Variants in WDPCP observed in about 807,000 individuals in gnomAD.
The protein encoded by WDPCP is WD repeat containing planar cell polarity effector, also known as WD repeat-containing and planar cell polarity effector protein fritz homolog.
In WDPCP, 71 loss-of-function variants were observed where a neutral mutation model predicts 93.1. The observed-to-expected ratio is 0.76, with a 90% CI of 0.63 to 0.93. WDPCP has a LOEUF of 0.93. Among genes scored for constraint, WDPCP ranks in the 40% least tolerant of loss-of-function variants. The pLI, the probability that WDPCP is intolerant of heterozygous loss-of-function variation, is 0.00. For missense variants in WDPCP, 844 were observed against 887.4 expected (o/e 0.95, Z 0.62); for synonymous variants, 315 against 315.0 (o/e 1.00, Z 0.00).
At chr2:63,416,326 A>G (rs1362015288) in intron 9 of WDPCP, among the ~76,000 whole-genome samples, 1 of 151,620 alleles carries the variant, frequency 6.6e-6, no homozygotes, top group Non-Finnish European at 1.5e-5. Context: ...CAGCCTCCCG[A>G]GTAGCTGCGA....
chr2:63,177,480 T>C (rs1294554301), intron 14 of WDPCP, among the ~76,000 whole-genome samples: 1 of 152,202 alleles, frequency 6.6e-6, no homozygotes, highest in Non-Finnish European at 1.5e-5. Flanking sequence ...AAGTATTTTA[T>C]TCTTTTTGAT....
chr2:63,510,849 G>C (rs989875907), intron 1 of WDPCP, among the ~76,000 whole-genome samples: 1 of 152,056 alleles, frequency 6.6e-6, no homozygotes, highest in Non-Finnish European at 1.5e-5. Flanking sequence ...GGTGGCGGGT[G>C]CCTGTAGTCC....
intron 9 of WDPCP, among the ~76,000 whole-genome samples, chr2:63,406,323 T>C (rs1453277545): frequency 6.6e-6 from 1 of 152,192 alleles, no homozygotes; most frequent in Non-Finnish European, 1.5e-5. Flanking sequence ...AGGATCCATA[T>C]CCAACTCCTT....
chr2:63,439,855 C>T lies in WDPCP; in HGVS notation c.401G>A (p.Gly134Asp). 6.2e-7 allele frequency: 1 copy of T among 1,613,094 alleles called. No individual in the cohort carries two copies. The change falls in exon 7 of 18, where the codon GGT (glycine) becomes GAT (aspartate). Residue 134 changes from glycine to aspartate, a missense_variant. By Grantham distance (94) the Gly-to-Asp change is moderately conservative. Coordinates refer to ENST00000272321, the MANE Select transcript of WDPCP (RefSeq NM_015910.7). ...AGAAAGGCTTAGAGACACCAGCACACCTGAACCAAAAAGGAGCTAAAACCA... is the reference window on the plus strand; with the variant it reads ...AGAAAGGCTTAGAGACACCAGCACATCTGAACCAAAAAGGAGCTAAAACCA... ...KYVCQLLFGS[G>D]VLVSLSLSGP...
At chr2:63,533,713 T>C (rs1029915147) in intron 1 of WDPCP, among the ~76,000 whole-genome samples, 20 of 152,268 alleles carry the variant, frequency 1.3e-4, no homozygotes, top group African/African-American at 4.8e-4. Flanking sequence ...TAAAGCAGTG[T>C]GTAGAGGGAA....
In WDPCP at chr2:63,588,276, A is replaced by G. The variant is rs566621577; in HGVS notation, c.-5T>C. 6.4e-7 allele frequency: 1 copy of G among 1,572,086 alleles called. No homozygotes were observed. Among genetic ancestry groups the G allele is most frequent in the East Asian group, 2.4e-5 (1 of 42,168 alleles). On this transcript the variant is annotated 5_prime_UTR_variant, in exon 1 of 18. Transcript: ENST00000272321. The stretch of plus-strand genomic sequence containing the variant: ...CCAGCAAAACTCTCGCCTCATCACC[A>G]GACACTACCCCGGGCAGAAGGTTCC...
chr2:63,669,373 T>A (rs929443950), intron 2 of WDPCP, among the ~76,000 whole-genome samples: 5 of 151,892 alleles, frequency 3.3e-5, no homozygotes, highest in Admixed American at 1.3e-4. Flanking sequence ...ATTTTATTTT[T>A]TTTTGAGACT....
chr2:63,818,200 G>C (rs1575781528), intron 1 of WDPCP, among the ~76,000 whole-genome samples: 1 of 152,312 alleles, frequency 6.6e-6, no homozygotes, highest in Admixed American at 6.5e-5. Flanking sequence ...ACTATGCAGA[G>C]CATAATAAGG....
chr2:63,219,728 C>T (rs1402377433), intron 14 of WDPCP, among the ~76,000 whole-genome samples: 3 of 152,170 alleles, frequency 2.0e-5, no homozygotes, highest in Admixed American at 6.5e-5. Context: ...AGGCCGGACA[C>T]GGTGGCTCAC....
intron 9 of WDPCP, among the ~76,000 whole-genome samples, chr2:63,428,765 C>T (rs1267266913): frequency 6.6e-6 from 1 of 151,970 alleles, no homozygotes; most frequent in Non-Finnish European, 1.5e-5. Flanking sequence ...CAGTAATGTC[C>T]AAATCAAGAT....
chr2:63,465,140 T>C (rs1445890895), intron 6 of WDPCP, among the ~76,000 whole-genome samples: 2 of 151,670 alleles, frequency 1.3e-5, no homozygotes, highest in Non-Finnish European at 2.9e-5. Context: ...ATTTATTATT[T>C]ATTTATTTAT....
intron 3 of WDPCP, among the ~76,000 whole-genome samples, chr2:63,614,940 G>T (rs1709656932): frequency 6.6e-6 from 1 of 152,130 alleles, no homozygotes; most frequent in Admixed American, 6.5e-5. Flanking sequence ...CCCTAGGTTT[G>T]GGGATTTTCA....
At chr2:63,651,127 G>A (rs190549046) in intron 2 of WDPCP, among the ~76,000 whole-genome samples, 14 of 152,288 alleles carry the variant, frequency 9.2e-5, no homozygotes, top group East Asian at 3.9e-4. Flanking sequence ...CTTTCCGACC[G>A]TGTAGAGCAG....
rs1217778925 is a variant in WDPCP, at chr2:63,508,781, T to A, written c.76-15841A>T. Among the ~76,000 whole-genome samples the A allele has an allele frequency of 2.0e-5, 3 of 152,154 alleles. No homozygotes were observed. The South Asian group carries it at 6.2e-4, about 32-fold the overall frequency. On this transcript the variant is annotated intron_variant, in intron 1 of 17. Coordinates refer to ENST00000272321, the MANE Select transcript of WDPCP (RefSeq NM_015910.7). ...AAAGCAAAAAAAGCAGGGGTTGCAATCCTAGTCTCTGACAAAACAGACTTT... is the reference window on the plus strand; with the variant it reads ...AAAGCAAAAAAAGCAGGGGTTGCAAACCTAGTCTCTGACAAAACAGACTTT...
intron 2 of WDPCP, among the ~76,000 whole-genome samples, chr2:63,804,772 C>G (rs558642186): frequency 2.6e-5 from 4 of 151,742 alleles, no homozygotes; most frequent in African/African-American, 4.8e-5. Context: ...GCTCACGCCT[C>G]TAATACCAGC....
At chr2:63,709,430 T>A (rs935401643) in intron 2 of WDPCP, among the ~76,000 whole-genome samples, 3 of 152,210 alleles carry the variant, frequency 2.0e-5, no homozygotes, top group African/African-American at 7.2e-5. Flanking sequence ...GGGGGCTAGA[T>A]TCATGCACAT....
At chr2:63,622,255 G>A (rs1709750029) in intron 3 of WDPCP, 2 of 1,611,412 alleles carry the variant, frequency 1.2e-6, no homozygotes, top group Non-Finnish European at 8.5e-7. Context: ...GTAGCTGCCA[G>A]TGCCGTCTCC....
intron 1 of WDPCP, among the ~76,000 whole-genome samples, chr2:63,528,533 G>A: frequency 6.6e-6 from 1 of 152,160 alleles, no homozygotes; most frequent in Middle Eastern, 3.2e-3. Context: ...TTGTAGATGT[G>A]TGGTATTATT....
intron 13 of WDPCP, among the ~76,000 whole-genome samples, chr2:63,309,488 T>C (rs2103893263): frequency 6.6e-6 from 1 of 152,218 alleles, no homozygotes; most frequent in South Asian, 2.1e-4. Flanking sequence ...AGACCCTGTC[T>C]CTTAAAATAA....
Sources: gnomAD v4.1 joint callset for allele counts (sites outside exome capture counted in the v4.1 genomes callset) on GRCh38, gnomAD v4.1.1 for gene constraint, MANE v1.5 for transcripts, NCBI Gene and HGNC (gene_info 2026-07-23, HGNC 2026-07-21) for gene names.